KIAA1549L: variants seen among roughly 807,000 people sequenced by gnomAD.
KIAA1549L encodes KIAA1549 like, also known as UPF0606 protein KIAA1549L.
KIAA1549L carries 88 observed loss-of-function variants against 160.7 expected under a neutral mutation model. That is an observed-to-expected ratio of 0.55 (90% CI 0.46 to 0.65). The LOEUF (loss-of-function observed/expected upper bound fraction) is 0.65. Ranked by LOEUF, KIAA1549L falls within the 30% of genes least tolerant of loss-of-function variation. The pLI, the probability that KIAA1549L is intolerant of heterozygous loss-of-function variation, is 0.00. For synonymous variants in KIAA1549L, 950 were observed against 976.7 expected (o/e 0.97, Z 0.51); for missense variants, 2,258 against 2,437.5 (o/e 0.93, Z 1.55).
chr11:33,502,146 C>T (rs1852964955), intron 1 of KIAA1549L, among the ~76,000 whole-genome samples: 2 of 152,244 alleles, frequency 1.3e-5, no homozygotes, highest in Non-Finnish European at 2.9e-5. Context: ...AATCAATCTT[C>T]ATTTTCCCCT....
chr11:33,464,486 G>A (rs1477539413), intron 1 of KIAA1549L, among the ~76,000 whole-genome samples: 1 of 149,960 alleles, frequency 6.7e-6, no homozygotes, highest in Non-Finnish European at 1.5e-5. Flanking sequence ...GTGTGTGTGT[G>A]TGTGTGTGTG....
At chr11:33,499,597 C>T (rs1455914787) in intron 1 of KIAA1549L, among the ~76,000 whole-genome samples, 1 of 152,206 alleles carries the variant, frequency 6.6e-6, no homozygotes, top group Non-Finnish European at 1.5e-5. Context: ...AGAGTGAACA[C>T]CCCCATCTCT....
At chr11:33,645,281 G>A (rs1851684627) in intron 16 of KIAA1549L, among the ~76,000 whole-genome samples, 1 of 152,150 alleles carries the variant, frequency 6.6e-6, no homozygotes, top group South Asian at 2.1e-4. Flanking sequence ...TTTAGGGAGT[G>A]AATCTAGAAT....
intron 11 of KIAA1549L, among the ~76,000 whole-genome samples, chr11:33,590,171 C>G (rs938504615): frequency 3.9e-5 from 6 of 152,166 alleles, no homozygotes; most frequent in African/African-American, 1.4e-4. Context: ...ACATGTTGCT[C>G]TCACAAACAT....
chr11:33,552,249 G>C lies in KIAA1549L; in HGVS notation c.3855+8G>C. 1 of 1,595,874 alleles carries C rather than the reference G, an allele frequency of 6.3e-7. No individual in the cohort carries two copies. Among genetic ancestry groups the C allele is most frequent in the East Asian group, 2.3e-5 (1 of 44,254 alleles). Reference sequence around the variant, plus strand: ...AGCAACTTGACAATTCAGGTAGGGAGGAAGGTGCTTCAGGCTGTGTAGTTG... The same window carrying C: ...AGCAACTTGACAATTCAGGTAGGGACGAAGGTGCTTCAGGCTGTGTAGTTG... On this transcript the variant is annotated splice_region_variant and intron_variant, in intron 6 of 20. Coordinates refer to ENST00000658780, the MANE Select transcript of KIAA1549L (RefSeq NM_012194.3).
At chr11:33,397,333 C>CAAAA (rs56097253) in intron 1 of KIAA1549L, among the ~76,000 whole-genome samples, 1 of 135,090 alleles carries the variant, frequency 7.4e-6, no homozygotes, top group Non-Finnish European at 1.6e-5. Flanking sequence ...GACTCTGTGT[C>CAAAA]AAAAAAAAAA....
chr11:33,575,316 C>A (rs1855409868), intron 10 of KIAA1549L, among the ~76,000 whole-genome samples: 1 of 152,134 alleles, frequency 6.6e-6, no homozygotes, highest in Non-Finnish European at 1.5e-5. Flanking sequence ...CAGTGGCACA[C>A]AACATAGGAA....
Position 33,498,255 on chromosome 11 carries a change from GGATTCACT to G in KIAA1549L, c.239-43546_239-43539del, listed in dbSNP as rs539442096. 1.9e-3 allele frequency among the ~76,000 whole-genome samples: 294 copies of G among 152,278 alleles called. 3 individuals carry two copies. Among genetic ancestry groups the G allele is most frequent in the African/African-American group, 6.4e-3 (265 of 41,570 alleles). On this transcript the variant is annotated intron_variant, in intron 1 of 20. Transcript: ENST00000658780. ...GGCCACCACCCATGGGGCTTGTCCC[GGATTCACT>G]CTGCCCTTCTTCCTCTTTCCAATTT...
At position 33,488,419 on chromosome 11, in the gene KIAA1549L, G is replaced by GACTA. The variant is rs1852579235; in HGVS notation, c.239-53382_239-53381insCTAA. On this transcript the variant is annotated intron_variant, in intron 1 of 20. Coordinates refer to ENST00000658780, the MANE Select transcript of KIAA1549L (RefSeq NM_012194.3). ...AATATTGTACATTTTAATGGGAAGG[G>GACTA]AGGCCAAAATGAGCAAAACAGAAAA... Among the ~76,000 whole-genome samples the GACTA allele has an allele frequency of 3.3e-5, 5 of 152,256 alleles. No homozygotes were observed. The South Asian group carries it at 1.0e-3, about 32-fold the overall frequency.
In KIAA1549L at chr11:33,605,531, T is replaced by G. The variant is rs140840874; in HGVS notation, c.4880-1110T>G. ...AAAAAAAAATCCAATTATAACCCAT[T>G]GTTAGACTCTGAAGTGTTTTAGCCA... On this transcript the variant is annotated intron_variant, in intron 13 of 20. Coordinates refer to ENST00000658780, the MANE Select transcript of KIAA1549L (RefSeq NM_012194.3). Among the ~76,000 whole-genome samples the G allele has an allele frequency of 8.3e-4, 127 of 152,336 alleles. 3 individuals carry two copies. The East Asian group carries it at 0.021, about 25-fold the overall frequency.
chr11:33,384,474 C>A (rs899571193), intron 1 of KIAA1549L, among the ~76,000 whole-genome samples: 3 of 152,128 alleles, frequency 2.0e-5, no homozygotes, highest in African/African-American at 7.2e-5. Context: ...ATTGCTTGGT[C>A]ATGTGTTAGG....
intron 1 of KIAA1549L, among the ~76,000 whole-genome samples, chr11:33,486,072 G>A (rs1248496256): frequency 6.6e-6 from 1 of 152,092 alleles, no homozygotes; most frequent in Non-Finnish European, 1.5e-5. Context: ...TGGATAATGT[G>A]GTAGTGAACA....
intron 1 of KIAA1549L, among the ~76,000 whole-genome samples, chr11:33,520,349 A>G (rs1853452478): frequency 6.6e-6 from 1 of 151,930 alleles, no homozygotes; most frequent in Non-Finnish European, 1.5e-5. Context: ...GAGTTTGGCT[A>G]TGTTAGATTG....
rs552447096 is a variant in KIAA1549L at position 33,496,132 on chromosome 11, T to A, written c.239-45670T>A. Among the ~76,000 whole-genome samples the A allele has an allele frequency of 3.3e-5, 5 of 152,130 alleles. No individual in the cohort carries two copies. In the East Asian group the frequency reaches 9.7e-4, roughly 29 times the overall value. On this transcript the variant is annotated intron_variant, in intron 1 of 20. Coordinates refer to ENST00000658780, the MANE Select transcript of KIAA1549L (RefSeq NM_012194.3). ...GCTCCTGCCACTACACCTGGCTAAT[T>A]TTTGTATTTTTAGTAGAGATGGGGT...
At chr11:33,553,731 A>T (rs1033918099) in intron 6 of KIAA1549L, among the ~76,000 whole-genome samples, 1 of 152,168 alleles carries the variant, frequency 6.6e-6, no homozygotes, top group African/African-American at 2.4e-5. Context: ...GCCTAGTTAG[A>T]TCTTGGCAGC....
At chr11:33,574,666 T>C (rs1426752390) in intron 9 of KIAA1549L, 36 bp from the exon 10 acceptor site, 2 of 1,585,264 alleles carry the variant, frequency 1.3e-6, no homozygotes, top group East Asian at 2.3e-5. Flanking sequence ...CCATGCAAAA[T>C]GCCCTGCAAA....
chr11:33,485,571 A>G (rs1852506645), intron 1 of KIAA1549L, among the ~76,000 whole-genome samples: 1 of 152,224 alleles, frequency 6.6e-6, no homozygotes, highest in South Asian at 2.1e-4. Context: ...ATGATTATGT[A>G]TACATTGTGG....
chr11:33,598,942 G>T lies in KIAA1549L; in HGVS notation c.4874G>T (p.Arg1625Ile). The T allele has an allele frequency of 6.2e-7, 1 of 1,613,128 alleles. No homozygotes were observed. Among genetic ancestry groups the T allele is most frequent in the Non-Finnish European group, 8.5e-7 (1 of 1,179,642 alleles). The change falls in exon 13 of 21, where the codon AGA becomes ATA. Residue 1625 changes from arginine to isoleucine, a missense_variant. Coordinates refer to ENST00000658780, the MANE Select transcript of KIAA1549L (RefSeq NM_012194.3). Reference sequence around the variant, plus strand: ...GTGACAAAGGAGGAGGCAAGGAAGAGAAATGGTGAGAAGCCTTCCCTCCAA... The same window carrying T: ...GTGACAAAGGAGGAGGCAAGGAAGATAAATGGTGAGAAGCCTTCCCTCCAA... ...QKVTKEEARK[R>I]NVPASDEEEG...
intron 1 of KIAA1549L, among the ~76,000 whole-genome samples, chr11:33,502,574 G>C (rs1852977331): frequency 6.6e-6 from 1 of 152,210 alleles, no homozygotes; most frequent in Non-Finnish European, 1.5e-5. Flanking sequence ...TCAAACACAA[G>C]ATGACATTTA....
Sources: allele counts gnomAD v4.1 joint callset (sites outside exome capture counted in the v4.1 genomes callset), GRCh38; gene constraint gnomAD v4.1.1; transcripts MANE v1.5; gene names NCBI Gene and HGNC (gene_info 2026-07-23, HGNC 2026-07-21).